Variants in FBXO34 observed in about 807,000 individuals in gnomAD.
FBXO34 encodes F-box only protein 34.
In FBXO34, 12 loss-of-function variants were observed where a neutral mutation model predicts 24.5. The ratio of observed to expected loss-of-function variants is 0.49; its 90% CI spans 0.31 to 0.79. FBXO34 has a LOEUF of 0.79. FBXO34 is among the 30% of genes least tolerant of loss of function. FBXO34 has a pLI of 0.04. For synonymous variants in FBXO34, 320 were observed against 311.9 expected (o/e 1.03, Z -0.27); for missense variants, 823 against 857.7 (o/e 0.96, Z 0.51).
At chr14:55,315,937 C>G (rs868627064) in intron 1 of FBXO34, among the ~76,000 whole-genome samples, 24 of 152,008 alleles carry the variant, frequency 1.6e-4, no homozygotes, top group African/African-American at 5.8e-4. Flanking sequence ...TTTTTTCTTC[C>G]TTAGTTTTCT....
downstream of FBXO34, among the ~76,000 whole-genome samples, chr14:55,370,662 G>C (rs1410625288): frequency 6.6e-6 from 1 of 151,142 alleles, no homozygotes; most frequent in East Asian, 1.9e-4. Context: ...TTTTTATTTA[G>C]ACAGAGTCTC....
At chr14:55,338,646 C>T (rs754341904) in intron 1 of FBXO34, among the ~76,000 whole-genome samples, 26 of 152,038 alleles carry the variant, frequency 1.7e-4, no homozygotes, top group Non-Finnish European at 3.5e-4. Context: ...TGGTGCCTCA[C>T]GCCTGTAATC....
Position 55,351,870 on chromosome 14 carries a change from T to C in FBXO34, c.1480T>C (p.Tyr494His), listed in dbSNP as rs907276650. Residue 494 changes from tyrosine to histidine, a missense_variant, in exon 2 of 2, where the codon TAT (tyrosine) becomes CAT (histidine). Coordinates refer to ENST00000313833, the MANE Select transcript of FBXO34 (RefSeq NM_017943.4). ...FLPPGQHLSD[Y>H]SQLNESTTKE... is the part of the protein sequence containing the mutation. The stretch of plus-strand genomic sequence containing the variant: ...GCCACCTGGTCAGCACTTGTCAGAC[T>C]ATTCCCAGTTGAATGAAAGCACAAC... The C allele has an allele frequency of 1.2e-6, 2 of 1,614,178 alleles. No homozygotes were observed. Among genetic ancestry groups the C allele is most frequent in the African/African-American group, 1.3e-5 (1 of 75,042 alleles).
the FBXO34 span, among the ~76,000 whole-genome samples, chr14:55,414,946 GATT>G: frequency 6.6e-6 from 1 of 152,106 alleles, no homozygotes; most frequent in African/African-American, 2.4e-5. Flanking sequence ...CATGGGAAGG[GATT>G]ATTAGAGGGG....
the FBXO34 span, among the ~76,000 whole-genome samples, chr14:55,386,264 G>C: frequency 6.6e-6 from 1 of 152,164 alleles, no homozygotes; most frequent in African/African-American, 2.4e-5. Context: ...AGTTCAAGTA[G>C]ATATTACACA....
chr14:55,321,061 C>T (rs1883117068), intron 1 of FBXO34, among the ~76,000 whole-genome samples: 1 of 136,346 alleles, frequency 7.3e-6, no homozygotes, highest in Non-Finnish European at 1.7e-5. Context: ...CCAAGGGTAG[C>T]TTTGGAATTC....
chr14:55,331,572 CAT>C (rs1485181474), intron 1 of FBXO34, among the ~76,000 whole-genome samples: 6 of 142,824 alleles, frequency 4.2e-5, no homozygotes, highest in South Asian at 2.2e-4. Context: ...CACACACACA[CAT>C]ACCAACATGG....
intron 1 of FBXO34, among the ~76,000 whole-genome samples, chr14:55,305,176 G>A (rs1292448307): frequency 6.6e-6 from 1 of 152,210 alleles, no homozygotes; most frequent in African/African-American, 2.4e-5. Flanking sequence ...ACTTCAGGAG[G>A]TCGAGGCGGG....
intron 1 of FBXO34, among the ~76,000 whole-genome samples, chr14:55,313,890 A>G (rs575398191): frequency 1.4e-3 from 212 of 152,244 alleles, no homozygotes; most frequent in Non-Finnish European, 2.5e-3. Context: ...AAGCCTAACC[A>G]TATCACATAT....
At chr14:55,423,883 A>G in the FBXO34 span, among the ~76,000 whole-genome samples, 1 of 152,362 alleles carries the variant, frequency 6.6e-6, no homozygotes, top group South Asian at 2.1e-4. Context: ...AGTTTGTAAC[A>G]GTAAGTTTAA....
At chr14:55,353,822 G>C (rs1884474967), downstream of FBXO34, among the ~76,000 whole-genome samples, 1 of 152,126 alleles carries the variant, frequency 6.6e-6, no homozygotes. Context: ...CACAACCATT[G>C]TATTTCCTGT....
downstream of FBXO34, among the ~76,000 whole-genome samples, chr14:55,357,556 C>T (rs985686004): frequency 6.6e-6 from 1 of 152,180 alleles, no homozygotes; most frequent in Admixed American, 6.5e-5. Context: ...GGGCTCATGC[C>T]TGTAATCCGA....
chr14:55,345,718 A>G (rs1390455067), intron 1 of FBXO34, among the ~76,000 whole-genome samples: 1 of 152,202 alleles, frequency 6.6e-6, no homozygotes, highest in African/African-American at 2.4e-5. Flanking sequence ...ATAAACAGGT[A>G]GGGCTGGGTG....
intron 1 of FBXO34, among the ~76,000 whole-genome samples, chr14:55,300,677 G>A (rs8023197): frequency 2.0e-5 from 3 of 151,108 alleles, no homozygotes; most frequent in Admixed American, 6.6e-5. Flanking sequence ...AGTTCAACAC[G>A]TTCTTATGTC....
At chr14:55,424,245 G>T in the FBXO34 span, 1 of 1,610,036 alleles carries the variant, frequency 6.2e-7, no homozygotes, top group Non-Finnish European at 8.5e-7. Flanking sequence ...AAACAGTTCA[G>T]GCTCGTAACT....
chr14:55,285,926 C>T (rs1881746637), intron 1 of FBXO34, among the ~76,000 whole-genome samples: 1 of 152,148 alleles, frequency 6.6e-6, no homozygotes, highest in Non-Finnish European at 1.5e-5. Flanking sequence ...AGTGGTCTGA[C>T]AGTTACTAAT....
At chr14:55,363,083 C>T (rs981768833), downstream of FBXO34, among the ~76,000 whole-genome samples, 1 of 148,036 alleles carries the variant, frequency 6.8e-6, no homozygotes, top group African/African-American at 2.5e-5. Flanking sequence ...AGTGTAATGG[C>T]ACAATCTTGG....
chr14:55,380,875 A>ATATATTTTTT, the FBXO34 span, among the ~76,000 whole-genome samples: 1 of 112,704 alleles, frequency 8.9e-6, no homozygotes, highest in Non-Finnish European at 1.7e-5. Context: ...ATATATATAT[A>ATATATTTTTT]TTTTTTTTTT....
chr14:55,377,742 C>T, the FBXO34 span: 10 of 1,087,636 alleles, frequency 9.2e-6, no homozygotes, highest in Admixed American at 7.5e-5. Flanking sequence ...GGGAACACGA[C>T]TCTACTATGC....
Sources: gnomAD v4.1 joint callset for allele counts (sites outside exome capture counted in the v4.1 genomes callset) on GRCh38, gnomAD v4.1.1 for gene constraint, MANE v1.5 for transcripts, NCBI Gene and HGNC (gene_info 2026-07-23, HGNC 2026-07-21) for gene names.